CSMD2: variants seen among roughly 807,000 people sequenced by gnomAD.
CSMD2 encodes the protein CUB and sushi domain-containing protein 2.
In CSMD2, 130 loss-of-function variants were observed where a neutral mutation model predicts 398.5. The observed-to-expected ratio is 0.33, with a 90% CI of 0.28 to 0.38. The LOEUF is 0.38. Among genes scored for constraint, CSMD2 ranks in the 10% least tolerant of loss-of-function variants. CSMD2 has a pLI of 1.00. For synonymous variants in CSMD2, 1,828 were observed against 1,908.5 expected (o/e 0.96, Z 1.10); for missense variants, 3,829 against 4,764.9 (o/e 0.80, Z 5.78).
intron 1 of CSMD2, among the ~76,000 whole-genome samples, chr1:34,161,713 C>A (rs767385232): frequency 6.6e-6 from 1 of 151,960 alleles, no homozygotes; most frequent in Non-Finnish European, 1.5e-5. Flanking sequence ...TAAGGAGTGA[C>A]GGGTAGTAGA....
chr1:33,936,730 T>C (rs981639530), intron 3 of CSMD2, among the ~76,000 whole-genome samples: 3 of 152,230 alleles, frequency 2.0e-5, no homozygotes, highest in African/African-American at 7.2e-5. Flanking sequence ...GTCAGTCACC[T>C]GTTCTAACTG....
At position 33,935,811 on chromosome 1, in the gene CSMD2, C is replaced by T. The variant is rs143370877; in HGVS notation, c.661G>A (p.Ala221Thr). ...LEGHAVLTCH[A>T]GSENSATWDF... ...CACGTGGCGCTGTTCTCAGAGCCAG[C>T]GTGGCAGGTGAGCACGGCGTGGCCC... Residue 221 changes from alanine (A) to threonine (T), a missense_variant, in exon 4 of 71, where the codon GCT (alanine) becomes ACT (threonine). Physicochemically the swap from Ala to Thr is moderately conservative, Grantham distance 58 (BLOSUM62 0). Around this residue, in one of 5 missense-constraint regions of CSMD2, gnomAD observed 2,001 missense variants for 2,567.1 expected, o/e 0.78. Transcript: ENST00000373381. 10 of 1,613,528 alleles carry T rather than the reference C, an allele frequency of 6.2e-6. No individual in the cohort carries two copies. Among genetic ancestry groups the T allele is most frequent in the African/African-American group, 5.3e-5 (4 of 74,914 alleles).
intron 6 of CSMD2, among the ~76,000 whole-genome samples, chr1:33,833,555 G>A (rs1420617988): frequency 2.0e-4 from 29 of 144,972 alleles, no homozygotes; most frequent in African/African-American, 7.6e-4. Flanking sequence ...ATACTGAATG[G>A]GCAAAAACTG....
chr1:33,904,156 A>G (rs1642926797), intron 5 of CSMD2, among the ~76,000 whole-genome samples: 2 of 152,162 alleles, frequency 1.3e-5, no homozygotes, highest in Non-Finnish European at 2.9e-5. Context: ...TGATTAATAA[A>G]CCCAAGTCAC....
intron 11 of CSMD2, 136 bp from the exon 12 acceptor site, chr1:33,788,848 T>C (rs1653875793): frequency 1.6e-6 from 1 of 621,676 alleles, no homozygotes; most frequent in East Asian, 2.8e-5. Flanking sequence ...ACTGTGTTTC[T>C]GACTCTGGAG....
chr1:33,711,932 G>A (rs1646004990), intron 21 of CSMD2, among the ~76,000 whole-genome samples: 1 of 152,192 alleles, frequency 6.6e-6, no homozygotes, highest in Non-Finnish European at 1.5e-5. Flanking sequence ...GGACAGGAGG[G>A]ATAGAGGGAC....
chr1:33,541,684 C>T (rs1272675143), intron 58 of CSMD2, among the ~76,000 whole-genome samples: 1 of 152,140 alleles, frequency 6.6e-6, no homozygotes, highest in African/African-American at 2.4e-5. Context: ...CCTGTCCTTG[C>T]CCACACTGTC....
At chr1:33,939,770 G>A (rs1644604914) in intron 3 of CSMD2, among the ~76,000 whole-genome samples, 1 of 152,088 alleles carries the variant, frequency 6.6e-6, no homozygotes. Context: ...AACCCCACCT[G>A]CTTTTTTATG....
intron 25 of CSMD2, among the ~76,000 whole-genome samples, chr1:33,680,419 G>A (rs1644868900): frequency 6.6e-6 from 1 of 151,886 alleles, no homozygotes; most frequent in Admixed American, 6.6e-5. Flanking sequence ...TACACATCAC[G>A]GTAGAGGCTT....
chr1:33,626,508 T>C lies in CSMD2; in HGVS notation c.5274A>G (p.Arg1758=), dbSNP rs1399641648. 1.9e-6 allele frequency: 3 copies of C among 1,608,302 alleles called. No homozygotes were observed. The highest frequency in any genetic ancestry group is 2.5e-6 in the Non-Finnish European group (3 of 1,177,766). ...TACCTTGGTAGACAAAGTGGAAGCC[T>C]CTGGCTGGTGCGAGGCCTTTGGCGC... The part of the protein sequence containing the change: ...KFSAKGLAPA[R]GFHFVYQAVP... Residue 1758 remains arginine, a synonymous_variant, in exon 33 of 71, where the codon AGA becomes AGG. Coordinates refer to ENST00000373381, the MANE Select transcript of CSMD2 (RefSeq NM_001281956.2).
chr1:34,038,645 T>C (rs1006962887), intron 2 of CSMD2, among the ~76,000 whole-genome samples: 2 of 152,214 alleles, frequency 1.3e-5, no homozygotes, highest in Admixed American at 1.3e-4. Flanking sequence ...AAATCCTGCA[T>C]GGCTTGGCCC....
At chr1:34,051,401 C>A (rs973004921) in intron 2 of CSMD2, among the ~76,000 whole-genome samples, 9 of 152,022 alleles carry the variant, frequency 5.9e-5, no homozygotes, top group Admixed American at 2.0e-4. Context: ...TTATGAGTAT[C>A]CCTCTTTATT....
chr1:33,930,443 C>T (rs1367681387), intron 4 of CSMD2, among the ~76,000 whole-genome samples: 4 of 152,208 alleles, frequency 2.6e-5, no homozygotes, highest in Non-Finnish European at 5.9e-5. Context: ...TGGAATACAG[C>T]TCAGCGCTTG....
chr1:33,972,758 C>T (rs1325600586), intron 3 of CSMD2, among the ~76,000 whole-genome samples: 1 of 152,178 alleles, frequency 6.6e-6, no homozygotes, highest in Non-Finnish European at 1.5e-5. Flanking sequence ...GCCTCCGGAA[C>T]TGTAATAGAA....
intron 22 of CSMD2, among the ~76,000 whole-genome samples, chr1:33,707,736 CA>C (rs1368309271): frequency 3.3e-5 from 5 of 149,918 alleles, no homozygotes; most frequent in Non-Finnish European, 5.9e-5. Flanking sequence ...CACACACACA[CA>C]CACACACCAT....
At chr1:33,881,830 T>C (rs1346160887) in intron 5 of CSMD2, among the ~76,000 whole-genome samples, 1 of 152,238 alleles carries the variant, frequency 6.6e-6, no homozygotes, top group Non-Finnish European at 1.5e-5. Context: ...TTCAGTTTTG[T>C]ATATTAATTT....
Position 33,716,229 on chromosome 1 carries a change from A to G in CSMD2, c.3217+57T>C, listed in dbSNP as rs1646162233. On this transcript the variant is annotated intron_variant, in intron 20 of 70. Coordinates refer to ENST00000373381, the MANE Select transcript of CSMD2 (RefSeq NM_001281956.2). ...AGGAAAACCAGAGACTGGTAGCAGA[A>G]GGAGAGAGCAAATAGCACCATGGTC... The G allele has an allele frequency of 3.6e-6, 5 of 1,394,614 alleles. 1 individual carries two copies. In the South Asian group the frequency reaches 5.9e-5, roughly 16 times the overall value. The allele number at this position is 1,394,614 out of a possible 1,614,324, so 86.4% of individuals were successfully genotyped here.
In CSMD2 at chr1:33,537,319, G is replaced by A; in HGVS notation, c.9805+117C>T. Reference sequence around the variant, plus strand: ...GCTGCAGAAGCTCAGAGGATGAGATGTTCCCTTTTGCAGATGAGACCACTG... The same window carrying A: ...GCTGCAGAAGCTCAGAGGATGAGATATTCCCTTTTGCAGATGAGACCACTG... On this transcript the variant is annotated intron_variant, in intron 61 of 70. Transcript: ENST00000373381. This position sits in a 1 kb window ranked among gnomAD's most constrained non-coding sequence, Gnocchi z 4.6. The A allele has an allele frequency of 8.2e-7, 1 of 1,220,666 alleles. No homozygotes were observed. The highest frequency in any genetic ancestry group is 1.2e-6 in the Non-Finnish European group (1 of 857,606). The allele number at this position is 1,220,666 out of a possible 1,614,324, so 75.6% of individuals were successfully genotyped here.
At chr1:33,793,550 G>T (rs1401137056) in intron 10 of CSMD2, among the ~76,000 whole-genome samples, 1 of 152,178 alleles carries the variant, frequency 6.6e-6, no homozygotes, top group Non-Finnish European at 1.5e-5. Context: ...CTGGAGTTTG[G>T]TTCAAAAGGT....
Sources: allele counts gnomAD v4.1 joint callset (sites outside exome capture counted in the v4.1 genomes callset), GRCh38; gene constraint gnomAD v4.1.1; regional missense constraint gnomAD v4.1.1; non-coding constraint Gnocchi (gnomAD v3.1); transcripts MANE v1.5; gene names NCBI Gene and HGNC (gene_info 2026-07-23, HGNC 2026-07-21).